Variants in ZNF248 observed in about 807,000 individuals in gnomAD.
ZNF248 encodes the protein zinc finger protein 248, also known as KRAB protein domain.
A neutral mutation model predicts 44.3 loss-of-function variants in ZNF248; 20 were observed. The ratio of observed to expected loss-of-function variants is 0.45; its 90% CI spans 0.32 to 0.66. The LOEUF (loss-of-function observed/expected upper bound fraction) is 0.66, where lower values mean the gene tolerates loss of function less well. Ranked by LOEUF, ZNF248 falls within the 30% of genes least tolerant of loss-of-function variation. The probability of loss-of-function intolerance (pLI) is 0.04; values close to 1 mark genes in which losing one functional copy is unlikely to be tolerated. For synonymous variants in ZNF248, 224 were observed against 229.0 expected (o/e 0.98, Z 0.20); for missense variants, 654 against 677.0 (o/e 0.97, Z 0.38).
chr10:37,766,706 A>G, the ZNF248 span, among the ~76,000 whole-genome samples: 6 of 152,204 alleles, frequency 3.9e-5, no homozygotes, highest in Non-Finnish European at 8.8e-5. Flanking sequence ...AAACTCTAAA[A>G]AGCAGAGTAT....
intron 6 of ZNF248, among the ~76,000 whole-genome samples, chr10:37,777,600 A>G (rs1472272859): frequency 2.0e-5 from 3 of 148,496 alleles, no homozygotes; most frequent in African/African-American, 7.5e-5. Context: ...TTAGTTACAT[A>G]TGTATACATG....
intron 6 of ZNF248, chr10:37,795,631 T>C (rs529977274): frequency 6.6e-6 from 1 of 152,348 alleles, no homozygotes; most frequent in East Asian, 1.9e-4. Flanking sequence ...CCTTTCCATT[T>C]TGATTGTATT....
At chr10:37,778,611 A>G (rs1307295381) in intron 6 of ZNF248, among the ~76,000 whole-genome samples, 2 of 151,944 alleles carry the variant, frequency 1.3e-5, no homozygotes, top group African/African-American at 4.8e-5. Context: ...AGTCATTGCT[A>G]TGTCCTGAAT....
Sources: gnomAD v4.1 joint callset for allele counts (sites outside exome capture counted in the v4.1 genomes callset) on GRCh38, gnomAD v4.1.1 for gene constraint, MANE v1.5 for transcripts, NCBI Gene and HGNC (gene_info 2026-07-23, HGNC 2026-07-21) for gene names.